FARSB: variants seen among roughly 807,000 people sequenced by gnomAD.
FARSB encodes phenylalanine--tRNA ligase beta subunit.
In FARSB, 40 loss-of-function variants were observed where a neutral mutation model predicts 69.6. The observed-to-expected ratio is 0.57, with a 90% CI of 0.45 to 0.75. The LOEUF is 0.75. Ranked by LOEUF, FARSB falls within the 30% of genes least tolerant of loss-of-function variation. The probability of loss-of-function intolerance (pLI) is 0.00; values close to 1 mark genes in which losing one functional copy is unlikely to be tolerated. For synonymous variants in FARSB, 235 were observed against 247.2 expected (o/e 0.95, Z 0.46); for missense variants, 632 against 722.9 (o/e 0.87, Z 1.44).
chr2:222,583,821 TA>T (rs981844630), intron 16 of FARSB, among the ~76,000 whole-genome samples: 1 of 152,174 alleles, frequency 6.6e-6, no homozygotes, highest in Non-Finnish European at 1.5e-5. Flanking sequence ...GATGGTTTTT[TA>T]AGAGGCATTT....
At chr2:222,648,050 C>A (rs1472400671) in intron 2 of FARSB, among the ~76,000 whole-genome samples, 5 of 152,104 alleles carry the variant, frequency 3.3e-5, no homozygotes, top group Non-Finnish European at 7.4e-5. Flanking sequence ...GGATCAGAAA[C>A]CCCGGCCAGA....
At chr2:222,626,264 A>G (rs1691272729) in intron 10 of FARSB, among the ~76,000 whole-genome samples, 1 of 151,188 alleles carries the variant, frequency 6.6e-6, no homozygotes. Flanking sequence ...AAAAAAAAAA[A>G]AGAAGTAACT....
intron 15 of FARSB, among the ~76,000 whole-genome samples, chr2:222,610,503 G>A (rs56062120): frequency 0.32 from 47,870 of 150,632 alleles, 7,726 homozygotes; most frequent in Middle Eastern, 0.45. Context: ...ATAAAAAATA[G>A]AAAAAATAGA....
chr2:222,625,749 T>C (rs1369184977), intron 10 of FARSB, among the ~76,000 whole-genome samples: 1 of 152,236 alleles, frequency 6.6e-6, no homozygotes, highest in African/African-American at 2.4e-5. Flanking sequence ...ATTTTAAAGA[T>C]AATCTTACTT....
intron 10 of FARSB, 133 bp from the exon 11 acceptor site, chr2:222,624,908 C>G: frequency 3.4e-6 from 2 of 580,528 alleles, no homozygotes. Context: ...TGAGAATAAA[C>G]TTGATGTTTC....
At chr2:222,611,691 A>G (rs1358306293) in intron 15 of FARSB, among the ~76,000 whole-genome samples, 1 of 152,224 alleles carries the variant, frequency 6.6e-6, no homozygotes, top group African/African-American at 2.4e-5. Context: ...CATCCTAAGC[A>G]TAAGCCTTCG....
At chr2:222,608,418 C>T (rs1304862561) in intron 15 of FARSB, among the ~76,000 whole-genome samples, 1 of 152,102 alleles carries the variant, frequency 6.6e-6, no homozygotes, top group Non-Finnish European at 1.5e-5. Flanking sequence ...GATCTGACCG[C>T]TATATTTTCG....
At chr2:222,652,423 T>C (rs1692061452) in intron 1 of FARSB, among the ~76,000 whole-genome samples, 2 of 152,110 alleles carry the variant, frequency 1.3e-5, no homozygotes, top group Admixed American at 6.5e-5. Context: ...TGTGCTAGGA[T>C]TGGTCTGTGA....
intron 16 of FARSB, among the ~76,000 whole-genome samples, chr2:222,579,547 C>T (rs1369508878): frequency 1.3e-5 from 2 of 152,136 alleles, no homozygotes; most frequent in Non-Finnish European, 2.9e-5. Flanking sequence ...CAGACAAGTA[C>T]CACAGGGACA....
chr2:222,642,374 C>T (rs1691745076), intron 3 of FARSB, among the ~76,000 whole-genome samples: 1 of 152,176 alleles, frequency 6.6e-6, no homozygotes, highest in Non-Finnish European at 1.5e-5. Flanking sequence ...GAAATTGAAA[C>T]TAGAGAGGCC....
intron 13 of FARSB, among the ~76,000 whole-genome samples, chr2:222,622,464 T>C (rs1267845087): frequency 6.6e-6 from 1 of 152,230 alleles, no homozygotes; most frequent in African/African-American, 2.4e-5. Flanking sequence ...TTAATCTACA[T>C]GGTTAAAGTA....
intron 1 of FARSB, among the ~76,000 whole-genome samples, chr2:222,651,631 T>C (rs1410192753): frequency 6.6e-6 from 1 of 152,222 alleles, no homozygotes; most frequent in African/African-American, 2.4e-5. Flanking sequence ...AGCACTGTTA[T>C]CAGCAGAAAC....
intron 13 of FARSB, among the ~76,000 whole-genome samples, chr2:222,620,154 C>A (rs1271545264): frequency 6.6e-6 from 1 of 152,186 alleles, no homozygotes; most frequent in Non-Finnish European, 1.5e-5. Context: ...TGTTTCCCTA[C>A]CTTACCTGAA....
intron 14 of FARSB, among the ~76,000 whole-genome samples, chr2:222,618,685 A>C (rs1691058048): frequency 1.3e-5 from 2 of 152,206 alleles, no homozygotes; most frequent in South Asian, 2.1e-4. Context: ...TTCTCATTTA[A>C]ATATTCCTAA....
intron 16 of FARSB, among the ~76,000 whole-genome samples, chr2:222,587,774 C>T (rs1254621376): frequency 2.0e-5 from 3 of 152,146 alleles, no homozygotes; most frequent in Non-Finnish European, 4.4e-5. Context: ...TGGATAAATT[C>T]CTTGACACAT....
At chr2:222,604,722 A>ATTTTTTTTTTTTTTTTTT (rs56201038) in intron 15 of FARSB, among the ~76,000 whole-genome samples, 3 of 110,718 alleles carry the variant, frequency 2.7e-5, no homozygotes, top group Non-Finnish European at 3.5e-5. Flanking sequence ...TGCCCACTGA[A>ATTTTTTTTTTTTTTTTTT]TTTTTTTTTT....
intron 10 of FARSB, among the ~76,000 whole-genome samples, chr2:222,626,432 T>C (rs1691278224): frequency 6.6e-6 from 1 of 152,084 alleles, no homozygotes; most frequent in Non-Finnish European, 1.5e-5. Context: ...AAAAAAAATT[T>C]TCAGAGTTTG....
At chr2:222,590,925 T>A (rs1366158154) in intron 16 of FARSB, among the ~76,000 whole-genome samples, 1 of 152,124 alleles carries the variant, frequency 6.6e-6, no homozygotes, top group Non-Finnish European at 1.5e-5. Context: ...ATTGCCCTAG[T>A]CCTACACCTT....
At chr2:222,647,373 C>G (rs532148687) in intron 2 of FARSB, among the ~76,000 whole-genome samples, 19 of 152,272 alleles carry the variant, frequency 1.2e-4, no homozygotes, top group Non-Finnish European at 1.9e-4. Context: ...TTAGCAAGGC[C>G]TAGCTCTCTA....
Sources: allele counts gnomAD v4.1 joint callset (sites outside exome capture counted in the v4.1 genomes callset), GRCh38; gene constraint gnomAD v4.1.1; transcripts MANE v1.5; gene names NCBI Gene and HGNC (gene_info 2026-07-23, HGNC 2026-07-21).